GSE1: variants seen among roughly 807,000 people sequenced by gnomAD.
GSE1 encodes genetic suppressor element 1.
Under a neutral mutation model 112.6 loss-of-function variants are expected in GSE1, and 32 were observed. The observed-to-expected ratio is 0.28, with a 90% CI of 0.21 to 0.38. GSE1 has a LOEUF of 0.38. Among genes scored for constraint, GSE1 ranks in the 10% least tolerant of loss-of-function variants. The pLI, the probability that GSE1 is intolerant of heterozygous loss-of-function variation, is 1.00. For synonymous variants in GSE1, 1,115 were observed against 735.6 expected, an observed-to-expected ratio of 1.52 and a Z score of -8.35; for missense variants, 2,348 against 1,699.2, an observed-to-expected ratio of 1.38 and a Z score of -6.71.
intron 1 of GSE1, among the ~76,000 whole-genome samples, chr16:85,597,652 G>A (rs1462702806): frequency 6.6e-6 from 1 of 151,870 alleles, no homozygotes; most frequent in Admixed American, 6.6e-5. Flanking sequence ...GTATTTTTTT[G>A]TAGAGATGGG....
intron 2 of GSE1, among the ~76,000 whole-genome samples, chr16:85,401,455 G>C (rs2151671806): frequency 6.6e-6 from 1 of 152,302 alleles, no homozygotes; most frequent in Non-Finnish European, 1.5e-5. Context: ...TGGGCCTGCT[G>C]ACCCCAAGAG....
At chr16:85,527,713 T>C (rs1450410116) in intron 2 of GSE1, among the ~76,000 whole-genome samples, 1 of 152,238 alleles carries the variant, frequency 6.6e-6, no homozygotes, top group East Asian at 1.9e-4. Context: ...GTGGGCTGAT[T>C]GCACAGCCTG....
chr16:85,348,296 T>TCATCCATCCATCCATCCATCCATC (rs57742912), intron 1 of GSE1, among the ~76,000 whole-genome samples: 7 of 151,138 alleles, frequency 4.6e-5, no homozygotes, highest in African/African-American at 1.5e-4. Context: ...CATCCACTGT[T>TCATCCATCCATCCATCCATCCATC]CATCCATCCA....
intron 2 of GSE1, among the ~76,000 whole-genome samples, chr16:85,398,961 CTG>C (rs2151664937): frequency 6.6e-6 from 1 of 152,176 alleles, no homozygotes; most frequent in South Asian, 2.1e-4. Context: ...GTGTGTGCCT[CTG>C]GGTGTGTGTG....
chr16:85,203,927 T>TG (rs1490817565), intron 1 of GSE1, among the ~76,000 whole-genome samples: 1 of 152,140 alleles, frequency 6.6e-6, no homozygotes, highest in Non-Finnish European at 1.5e-5. Flanking sequence ...CTTGTAGAGA[T>TG]GGGGTCTCAC....
chr16:85,632,569 C>T lies in GSE1; in HGVS notation c.8-1345C>T, dbSNP rs908332224. Among the ~76,000 whole-genome samples the T allele has an allele frequency of 3.9e-5, 6 of 152,176 alleles. No individual in the cohort carries two copies. The South Asian group carries it at 6.2e-4, about 16-fold the overall frequency. On this transcript the variant is annotated intron_variant, in intron 1 of 15. Transcript: ENST00000253458. ...CCACGCTGCCTCCGAGCCTGCTGTC[C>T]CATGGGGACAGGTTCCAATTAGACT...
chr16:85,393,332 C>T (rs1024255084), intron 2 of GSE1, among the ~76,000 whole-genome samples: 1 of 152,230 alleles, frequency 6.6e-6, no homozygotes, highest in Non-Finnish European at 1.5e-5. Context: ...TCTGGCAAGA[C>T]AGGAGCGGCA....
At position 85,485,527 on chromosome 16, in the gene GSE1, A is replaced by G. The variant is rs777935235; in HGVS notation, c.2464+127884A>G. 6.3e-4 allele frequency among the ~76,000 whole-genome samples: 96 copies of G among 152,220 alleles called. 2 individuals are homozygous for G. Among genetic ancestry groups the G allele is most frequent in the Non-Finnish European group, 1.2e-3 (82 of 68,024 alleles). The stretch of plus-strand genomic sequence containing the variant: ...GGCGCCTGCCGCCTGCCGTTCTGGG[A>G]GGGCATCATCCTTCATCCCGCAGGC... On this transcript the variant is annotated intron_variant, in intron 2 of 2. Coordinates refer to the GSE1 transcript ENST00000637419.
intron 2 of GSE1, among the ~76,000 whole-genome samples, chr16:85,460,347 C>T (rs1339046408): frequency 6.6e-6 from 1 of 152,188 alleles, no homozygotes; most frequent in African/African-American, 2.4e-5. Context: ...AGGGGTGCGG[C>T]CCAGCCTGGT....
chr16:85,387,998 GGATGGATGGA>G (rs2047726929), intron 2 of GSE1, among the ~76,000 whole-genome samples: 8 of 138,770 alleles, frequency 5.8e-5, no homozygotes, highest in South Asian at 2.4e-4. Context: ...GTGGGTGGAT[GGATGGATGGA>G]TGGATGGATG....
In GSE1 at chr16:85,672,554, C is replaced by T. The variant is rs75628243; in HGVS notation, c.*15C>T. On this transcript the variant is annotated 3_prime_UTR_variant, in exon 16 of 16. Coordinates refer to ENST00000253458, the MANE Select transcript of GSE1 (RefSeq NM_014615.5). ...ATCCCAGGTGACGGTTTCCCTTGCA[C>T]TAGGCCGAACCTATAGTATAGAAAT... 31 of 1,569,960 alleles carry T rather than the reference C, an allele frequency of 2.0e-5. No individual in the cohort carries two copies. The East Asian group carries it at 6.6e-4, about 33-fold the overall frequency.
chr16:85,170,606 C>T lies in GSE1; in HGVS notation c.1082C>T (p.Ala361Val), dbSNP rs148818981. The T allele has an allele frequency of 1.8e-3, 1,802 of 985,498 alleles. 33 individuals are homozygous for T. The African/African-American group carries it at 0.02, about 11-fold the overall frequency. The allele number at this position is 985,498 out of a possible 1,614,324, so 61.0% of individuals were successfully genotyped here. A position where few individuals can be genotyped will look rare whatever the true frequency, so the allele number is the denominator to read the frequency against. Reference sequence around the variant, plus strand: ...CCCCGGGCTCTCCAGGACAGCCGGGCGGCACCAGCAGAAGGCCTTTGCTGC... The same window carrying T: ...CCCCGGGCTCTCCAGGACAGCCGGGTGGCACCAGCAGAAGGCCTTTGCTGC... Residue 361 changes from alanine to valine, a missense_variant, in exon 1 of 3, where the codon GCG (alanine) becomes GTG (valine). Ala to Val is a moderately conservative substitution (Grantham distance 64, BLOSUM62 0). Transcript: ENST00000637419.
At chr16:85,616,284 A>G (rs866337844) in intron 1 of GSE1, among the ~76,000 whole-genome samples, 1 of 152,202 alleles carries the variant, frequency 6.6e-6, no homozygotes, top group Non-Finnish European at 1.5e-5. Context: ...CGGAGCCCCG[A>G]GCTGAGGGGC....
chr16:85,496,898 T>TTC (rs2051198319), intron 2 of GSE1, among the ~76,000 whole-genome samples: 1 of 142,292 alleles, frequency 7.0e-6, no homozygotes, highest in Non-Finnish European at 1.6e-5. Context: ...GTCTGGGTCT[T>TTC]TGTTGTTTTT....
At chr16:85,501,062 A>G (rs1597973133) in intron 2 of GSE1, among the ~76,000 whole-genome samples, 1 of 119,796 alleles carries the variant, frequency 8.3e-6, no homozygotes, top group East Asian at 2.9e-4. Flanking sequence ...CTGGAGTGGC[A>G]CGATCTCGGC....
chr16:85,665,887 G>A (rs575590351), intron 12 of GSE1, 89 bp from the exon 13 acceptor site: 3 of 1,282,486 alleles, frequency 2.3e-6, no homozygotes, highest in Non-Finnish European at 2.3e-6. Context: ...TTTGTTAAGT[G>A]TAAGCTCTAG....
At chr16:85,339,127 A>G (rs1252464599) in intron 1 of GSE1, among the ~76,000 whole-genome samples, 2 of 152,172 alleles carry the variant, frequency 1.3e-5, no homozygotes, top group African/African-American at 2.4e-5. Flanking sequence ...GAGGGAGGTC[A>G]CTGGGTCTGG....
intron 2 of GSE1, among the ~76,000 whole-genome samples, chr16:85,497,910 G>A (rs1274331476): frequency 6.6e-6 from 1 of 152,176 alleles, no homozygotes; most frequent in Admixed American, 6.5e-5. Context: ...TTTTACAGAT[G>A]GGAAACCAAA....
At chr16:85,446,877 C>T (rs2049529630) in intron 2 of GSE1, among the ~76,000 whole-genome samples, 1 of 152,152 alleles carries the variant, frequency 6.6e-6, no homozygotes, top group Non-Finnish European at 1.5e-5. Context: ...CTCCCGCTGT[C>T]CCCATCTGGC....
Sources: allele counts gnomAD v4.1 joint callset (sites outside exome capture counted in the v4.1 genomes callset), GRCh38; gene constraint gnomAD v4.1.1; transcripts MANE v1.5; gene names NCBI Gene and HGNC (gene_info 2026-07-23, HGNC 2026-07-21).